Variants in LTBP1 observed in about 807,000 individuals in gnomAD.
The protein encoded by LTBP1 is latent-transforming growth factor beta-binding protein 1.
Under a neutral mutation model 207.6 loss-of-function variants are expected in LTBP1, and 129 were observed. The observed-to-expected ratio is 0.62, with a 90% CI of 0.54 to 0.72. The LOEUF is 0.72. Ranked by LOEUF, LTBP1 falls within the 30% of genes least tolerant of loss-of-function variation. The probability of loss-of-function intolerance (pLI) is 0.00; values close to 1 mark genes in which losing one functional copy is unlikely to be tolerated. For missense variants in LTBP1, 2,281 were observed against 2,217.2 expected (o/e 1.03, Z -0.58); for synonymous variants, 963 against 833.7 (o/e 1.16, Z -2.67).
intron 9 of LTBP1, among the ~76,000 whole-genome samples, chr2:33,239,133 A>G (rs959046277): frequency 1.3e-5 from 2 of 152,252 alleles, no homozygotes; most frequent in African/African-American, 2.4e-5. Context: ...GAGCTGAAGT[A>G]TGTGGTAGGC....
At chr2:33,057,462 C>T (rs922900230) in intron 3 of LTBP1, among the ~76,000 whole-genome samples, 3 of 152,216 alleles carry the variant, frequency 2.0e-5, no homozygotes, top group East Asian at 1.9e-4. Context: ...TGGGACTGGG[C>T]GCCGTGGAGC....
At chr2:33,253,014 G>GA (rs1573440891) in intron 11 of LTBP1, among the ~76,000 whole-genome samples, 170 bp downstream of exon 11, 1 of 152,160 alleles carries the variant, frequency 6.6e-6, no homozygotes, top group Admixed American at 6.5e-5. Context: ...GAATCAGTGG[G>GA]AAAAAATTAT....
At chr2:33,329,474 A>G (rs1160919893) in intron 24 of LTBP1, among the ~76,000 whole-genome samples, 2 of 152,158 alleles carry the variant, frequency 1.3e-5, no homozygotes, top group Non-Finnish European at 2.9e-5. Flanking sequence ...TGCAAACCCT[A>G]AAGTCATTAA....
Position 33,049,795 on chromosome 2 carries a change from A to G in LTBP1, c.863+28589A>G, listed in dbSNP as rs984573659. Among the ~76,000 whole-genome samples, 9 of 152,224 alleles carry G rather than the reference A, an allele frequency of 5.9e-5. No homozygotes were observed. In the East Asian group the frequency reaches 1.5e-3, roughly 26 times the overall value. On this transcript the variant is annotated intron_variant, in intron 3 of 33. Transcript: ENST00000404816. ...TCTAATCCTGGTATAGAACATGCAT[A>G]TAATTTGTAAATAATGTATATTTTG...
intron 19 of LTBP1, among the ~76,000 whole-genome samples, chr2:33,291,982 G>A (rs72859514): frequency 0.015 from 2,308 of 152,228 alleles, 63 homozygotes; most frequent in African/African-American, 0.052. Context: ...GGCTTAAGAT[G>A]CTTTGATTAT....
intron 7 of LTBP1, among the ~76,000 whole-genome samples, chr2:33,194,824 C>A (rs1276832261): frequency 1.3e-5 from 2 of 152,228 alleles, no homozygotes; most frequent in African/African-American, 4.8e-5. Context: ...AAAGTCATTG[C>A]TTGGCTTCAG....
chr2:33,108,205 G>A (rs1443255065), intron 3 of LTBP1, among the ~76,000 whole-genome samples: 1 of 151,944 alleles, frequency 6.6e-6, no homozygotes, highest in African/African-American at 2.4e-5. Context: ...TCCTGTCCGT[G>A]GCCTTGCTTC....
intron 3 of LTBP1, among the ~76,000 whole-genome samples, chr2:33,048,796 T>C: frequency 6.6e-6 from 1 of 152,200 alleles, no homozygotes. Context: ...CAAAAAATCT[T>C]ACAGTATTTA....
intron 4 of LTBP1, among the ~76,000 whole-genome samples, chr2:33,133,513 A>G (rs1009542459): frequency 7.2e-5 from 11 of 152,214 alleles, no homozygotes; most frequent in Non-Finnish European, 1.5e-4. Flanking sequence ...CTAGGGGCCT[A>G]TCGCAGATGT....
intron 7 of LTBP1, among the ~76,000 whole-genome samples, chr2:33,189,831 G>A (rs370509779): frequency 1.9e-4 from 29 of 151,508 alleles, no homozygotes; most frequent in South Asian, 1.7e-3. Flanking sequence ...TTCGAGACCA[G>A]CCTGGCCAAC....
At chr2:33,137,705 T>TGTTTGTTC (rs1338637314) in intron 5 of LTBP1, among the ~76,000 whole-genome samples, 1 of 152,158 alleles carries the variant, frequency 6.6e-6, no homozygotes, top group Non-Finnish European at 1.5e-5. Context: ...TTTGTTTGTT[T>TGTTTGTTC]GTTTGTTTGT....
intron 2 of LTBP1, among the ~76,000 whole-genome samples, chr2:33,004,334 A>G (rs1490264831): frequency 1.3e-5 from 2 of 151,902 alleles, no homozygotes; most frequent in Non-Finnish European, 1.5e-5. Context: ...GCCAGTTTGT[A>G]TTTGTCCTCA....
intron 14 of LTBP1, among the ~76,000 whole-genome samples, 192 bp from the exon 15 acceptor site, chr2:33,263,102 C>G (rs2093065507): frequency 6.6e-6 from 1 of 151,648 alleles, no homozygotes; most frequent in African/African-American, 2.4e-5. Flanking sequence ...GATCATTTTT[C>G]TTGGCTTCCG....
intron 15 of LTBP1, among the ~76,000 whole-genome samples, chr2:33,272,055 C>G (rs1309427760): frequency 6.6e-6 from 1 of 152,120 alleles, no homozygotes; most frequent in African/African-American, 2.4e-5. Context: ...TCTCATACAT[C>G]CAGGTGACTT....
intron 24 of LTBP1, among the ~76,000 whole-genome samples, chr2:33,323,759 G>A (rs2094389499): frequency 6.6e-6 from 1 of 152,140 alleles, no homozygotes; most frequent in South Asian, 2.1e-4. Flanking sequence ...AGCTCATCCT[G>A]GAGTACTAGG....
chr2:33,147,047 A>G (rs1296866350), intron 5 of LTBP1, among the ~76,000 whole-genome samples: 2 of 152,224 alleles, frequency 1.3e-5, no homozygotes, highest in South Asian at 2.1e-4. Flanking sequence ...AGGGTAGGAT[A>G]TAATTAGTAA....
chr2:33,160,597 A>G (rs1368180964), intron 5 of LTBP1, among the ~76,000 whole-genome samples: 1 of 152,226 alleles, frequency 6.6e-6, no homozygotes, highest in Non-Finnish European at 1.5e-5. Context: ...AATTCAGCAC[A>G]GGTAGGTTGA....
intron 2 of LTBP1, among the ~76,000 whole-genome samples, chr2:32,963,332 G>A (rs1048608217): frequency 1.1e-4 from 17 of 151,870 alleles, no homozygotes; most frequent in African/African-American, 4.1e-4. Context: ...AGCCCCCCGA[G>A]TAGCTAGGAC....
chr2:33,162,037 C>G (rs1342996786), intron 5 of LTBP1, among the ~76,000 whole-genome samples: 2 of 152,196 alleles, frequency 1.3e-5, no homozygotes, highest in Non-Finnish European at 2.9e-5. Context: ...TTACTTGACA[C>G]TCATCAATTT....
Sources: gnomAD v4.1 joint callset for allele counts (sites outside exome capture counted in the v4.1 genomes callset) on GRCh38, gnomAD v4.1.1 for gene constraint, MANE v1.5 for transcripts, NCBI Gene and HGNC (gene_info 2026-07-23, HGNC 2026-07-21) for gene names.